APOBEC4: variants seen among roughly 807,000 people sequenced by gnomAD.
APOBEC4 encodes the protein apolipoprotein B mRNA editing enzyme catalytic polypeptide like 4.
For missense variants in APOBEC4, 375 were observed against 441.2 expected (o/e 0.85, Z 1.34); for synonymous variants, 141 against 154.2 (o/e 0.91, Z 0.63).
chr1:183,651,198 G>A (rs1265147837), intron 1 of APOBEC4, among the ~76,000 whole-genome samples: 1 of 152,018 alleles, frequency 6.6e-6, no homozygotes, highest in African/African-American at 2.4e-5. Flanking sequence ...GCATAATTAA[G>A]TATTCCCCAT....
At chr1:183,651,946 C>T (rs865827950) in intron 1 of APOBEC4, among the ~76,000 whole-genome samples, 1 of 152,196 alleles carries the variant, frequency 6.6e-6, no homozygotes, top group Non-Finnish European at 1.5e-5. Context: ...CCCAAACTTT[C>T]ATGCTTTTTA....
At chr1:183,652,579 T>C (rs1650843185) in intron 1 of APOBEC4, among the ~76,000 whole-genome samples, 1 of 150,864 alleles carries the variant, frequency 6.6e-6, no homozygotes, top group Non-Finnish European at 1.5e-5. Flanking sequence ...TGTTAACTTT[T>C]GGTATCTGTC....
At chr1:183,648,906 A>ATG in intron 1 of APOBEC4, 95 bp from the exon 2 acceptor site, 2 of 749,352 alleles carry the variant, frequency 2.7e-6, no homozygotes, top group Non-Finnish European at 4.3e-6. Context: ...TAAAGGAAGT[A>ATG]GCACAATAAA....
chr1:183,648,618 G>A lies in APOBEC4; in HGVS notation c.164C>T (p.Pro55Leu). Residue 55 changes from proline (P) to leucine (L), a missense_variant, in exon 2 of 2, where the codon CCT (proline) becomes CTT (leucine). Transcript: ENST00000308641. Reference sequence around the variant, plus strand: ...TGTTTGAGGAAATGTTGTCCCATAAGGGAATCCAAAAATCTGACAAAATTC... The same window carrying A: ...TGTTTGAGGAAATGTTGTCCCATAAAGGAATCCAAAAATCTGACAAAATTC... The part of the protein sequence containing the change: ...LTEFCQIFGF[P>L]YGTTFPQTKH... 1 of 1,614,174 alleles carries A rather than the reference G, an allele frequency of 6.2e-7. No individual in the cohort carries two copies.
At chr1:183,651,625 A>G (rs2102000314) in intron 1 of APOBEC4, among the ~76,000 whole-genome samples, 1 of 152,342 alleles carries the variant, frequency 6.6e-6, no homozygotes, top group South Asian at 2.1e-4. Context: ...CTGGCACCAC[A>G]TACCCACCAG....
rs1650461151 is a variant in APOBEC4 at position 183,648,291 on chromosome 1, A to C, written c.491T>G (p.Phe164Cys). ...TTCGCGGTTCCATGCTGAGGCAGGA[A>C]AGTCCATCTCAGTATGATAGAGCTG... ...FSQLYHTEMD[F>C]PASAWNREAL... The change falls in exon 2 of 2, where the codon TTT becomes TGT. Residue 164 changes from phenylalanine to cysteine, a missense_variant. By Grantham distance (205) the Phe-to-Cys change is radical (BLOSUM62 -2). Coordinates refer to ENST00000308641, the MANE Select transcript of APOBEC4 (RefSeq NM_203454.3). 5.6e-6 allele frequency: 9 copies of C among 1,614,212 alleles called. No individual in the cohort carries two copies. Among genetic ancestry groups the C allele is most frequent in the Non-Finnish European group, 7.6e-6 (9 of 1,180,038 alleles).
rs371872781 is a variant in APOBEC4, at chr1:183,647,960, C to T, written c.822G>A (p.Met274Ile). 309 of 1,614,184 alleles carry T rather than the reference C, an allele frequency of 1.9e-4. 2 individuals are homozygous for T. The Middle Eastern group carries it at 4.0e-3, about 21-fold the overall frequency. Reference protein sequence around the residue: ...NNAFPGQFFQMPSGQLQPNLP... With the variant: ...NNAFPGQFFQIPSGQLQPNLP... ...GGTTGGGTTGGAGTTGTCCACTCGG[C>T]ATTTGAAAAAACTGTCCAGGAAAGG... Residue 274 changes from methionine (M) to isoleucine (I), a missense_variant, in exon 2 of 2, where the codon ATG becomes ATA. Met to Ile is a conservative substitution (Grantham distance 10, BLOSUM62 1). Coordinates refer to ENST00000308641, the MANE Select transcript of APOBEC4 (RefSeq NM_203454.3).
At chr1:183,650,457 A>G (rs1478004652) in intron 1 of APOBEC4, among the ~76,000 whole-genome samples, 3 of 152,010 alleles carry the variant, frequency 2.0e-5, no homozygotes, top group East Asian at 3.9e-4. Flanking sequence ...GCAGGAGAAT[A>G]GCGTGAACCC....
chr1:183,647,990 G>T lies in APOBEC4; in HGVS notation c.792C>A (p.Asn264Lys), dbSNP rs781574644. 1.9e-6 allele frequency: 3 copies of T among 1,614,192 alleles called. No homozygotes were observed. The highest frequency in any genetic ancestry group is 2.2e-5 in the East Asian group (1 of 44,890). Residue 264 changes from asparagine to lysine, a missense_variant, in exon 2 of 2, where the codon AAC becomes AAA. Transcript: ENST00000308641. ...GAAAAAACTGTCCAGGAAAGGCATT[G>T]TTTAAGGGGTAGCTCTCTAAAGCCT... ...AQEALESYPL[N>K]NAFPGQFFQM...
Position 183,646,724 on chromosome 1 carries a change from A to G in APOBEC4, c.*954T>C, listed in dbSNP as rs1650318221. 6.6e-6 allele frequency: 1 copy of G among 152,258 alleles called. No individual in the cohort carries two copies. The highest frequency in any genetic ancestry group is 2.4e-5 in the African/African-American group (1 of 41,468). The allele number at this position is 152,258 out of a possible 1,614,324, so 9.4% of individuals were successfully genotyped here. On this transcript the variant is annotated 3_prime_UTR_variant, in exon 2 of 2. Coordinates refer to ENST00000308641, the MANE Select transcript of APOBEC4 (RefSeq NM_203454.3). ...GAAAGGGGAATGGATGCTAACAAAA[A>G]GAAAAAACATCTCTTGCAGGATGGT...
rs1650368590 is a variant in APOBEC4 at position 183,647,407 on chromosome 1, C to G, written c.*271G>C. On this transcript the variant is annotated 3_prime_UTR_variant, in exon 2 of 2. Coordinates refer to ENST00000308641, the MANE Select transcript of APOBEC4 (RefSeq NM_203454.3). The stretch of plus-strand genomic sequence containing the variant: ...GAATAATGAGATTCCTTTTCTGCAT[C>G]AAAATATTAGCAAGCTGCTAATGGT... The G allele has an allele frequency of 3.5e-6, 1 of 285,076 alleles. No homozygotes were observed. The highest frequency in any genetic ancestry group is 2.2e-5 in the African/African-American group (1 of 45,776). The allele number at this position is 285,076 out of a possible 1,614,324, so 17.7% of individuals were successfully genotyped here. A position where few individuals can be genotyped will look rare whatever the true frequency, so the allele number is the denominator to read the frequency against.
In APOBEC4 at chr1:183,648,648, A is replaced by T; in HGVS notation, c.134T>A (p.Leu45His). The change falls in exon 2 of 2, where the codon CTC becomes CAC. Residue 45 changes from leucine (L) to histidine (H), a missense_variant. By Grantham distance (99) the Leu-to-His change is moderately conservative. Coordinates refer to ENST00000308641, the MANE Select transcript of APOBEC4 (RefSeq NM_203454.3). Reference sequence around the variant, plus strand: ...TCCAAAAATCTGACAAAATTCTGTGAGGGAAACTCTTGCTTCTTCACCTGT... The same window carrying T: ...TCCAAAAATCTGACAAAATTCTGTGTGGGAAACTCTTGCTTCTTCACCTGT... The part of the protein sequence containing the change: ...IRTGEEARVS[L>H]TEFCQIFGFP... 6.2e-7 allele frequency: 1 copy of T among 1,614,180 alleles called. No homozygotes were observed. The highest frequency in any genetic ancestry group is 8.5e-7 in the Non-Finnish European group (1 of 1,179,996).
In APOBEC4 at chr1:183,648,675, C is replaced by A. The variant is rs753388975; in HGVS notation, c.107G>T (p.Arg36Leu). ...LDCSNCPYHI[R>L]TGEEARVSLT... ...GGAAACTCTTGCTTCTTCACCTGTT[C>A]GAATATGGTAAGGACAATTAGAGCA... Residue 36 changes from arginine to leucine, a missense_variant, in exon 2 of 2, where the codon CGA (arginine) becomes CTA (leucine). By Grantham distance (102) the Arg-to-Leu change is moderately radical. Coordinates refer to ENST00000308641, the MANE Select transcript of APOBEC4 (RefSeq NM_203454.3). 44 of 1,613,996 alleles carry A rather than the reference C, an allele frequency of 2.7e-5. 1 individual carries two copies. In the South Asian group the frequency reaches 4.4e-4, roughly 16 times the overall value.
chr1:183,652,471 T>C (rs1650830632), intron 1 of APOBEC4, among the ~76,000 whole-genome samples: 1 of 152,230 alleles, frequency 6.6e-6, no homozygotes, highest in African/African-American at 2.4e-5. Flanking sequence ...TTGATCACCC[T>C]CATCTGAAGA....
Position 183,648,706 on chromosome 1 carries a change from G to A in APOBEC4, c.76C>T (p.Leu26Phe). ...VKPYYWLSFS[L>F]DCSNCPYHIR... is the part of the protein sequence containing the mutation. ...TGGTAAGGACAATTAGAGCAATCGAGAGAGAAGCTTAGCCAGTAATATGGT... is the reference window on the plus strand; with the variant it reads ...TGGTAAGGACAATTAGAGCAATCGAAAGAGAAGCTTAGCCAGTAATATGGT... The change falls in exon 2 of 2, where the codon CTC becomes TTC. Residue 26 changes from leucine to phenylalanine, a missense_variant. Coordinates refer to ENST00000308641, the MANE Select transcript of APOBEC4 (RefSeq NM_203454.3). The A allele has an allele frequency of 6.2e-7, 1 of 1,614,130 alleles. No individual in the cohort carries two copies. The highest frequency in any genetic ancestry group is 8.5e-7 in the Non-Finnish European group (1 of 1,180,016).
rs766239411 is a variant in APOBEC4 at position 183,647,920 on chromosome 1, T to C, written c.862A>G (p.Arg288Gly). ...ACTAGCACAAAAACAACAGGAGCCCTGAGGTCTGGAGGTAGGTTGGGTTGG... is the reference window on the plus strand; with the variant it reads ...ACTAGCACAAAAACAACAGGAGCCCCGAGGTCTGGAGGTAGGTTGGGTTGG... ...QLQPNLPPDL[R>G]APVVFVLVPL... The change falls in exon 2 of 2, where the codon AGG becomes GGG. Residue 288 changes from arginine to glycine, a missense_variant. Coordinates refer to ENST00000308641, the MANE Select transcript of APOBEC4 (RefSeq NM_203454.3). The C allele has an allele frequency of 3.1e-6, 5 of 1,614,190 alleles. No individual in the cohort carries two copies. In the Admixed American group the frequency reaches 8.3e-5, roughly 27 times the overall value.
intron 1 of APOBEC4, among the ~76,000 whole-genome samples, chr1:183,650,888 A>G (rs930568020): frequency 7.2e-5 from 11 of 152,106 alleles, no homozygotes; most frequent in African/African-American, 2.7e-4. Context: ...TATTATTTCT[A>G]GTGAAGTTGA....
intron 1 of APOBEC4, among the ~76,000 whole-genome samples, chr1:183,649,037 C>T (rs1349796307): frequency 6.6e-6 from 1 of 152,156 alleles, no homozygotes; most frequent in Non-Finnish European, 1.5e-5. Flanking sequence ...TTCATAGATT[C>T]CAAGTCAGTA....
At chr1:183,650,784 G>T (rs1169131992) in intron 1 of APOBEC4, among the ~76,000 whole-genome samples, 1 of 150,554 alleles carries the variant, frequency 6.6e-6, no homozygotes, top group African/African-American at 2.4e-5. Context: ...TTCCTAGGAA[G>T]GTGTACCAAT....
Sources: gnomAD v4.1 joint callset for allele counts (sites outside exome capture counted in the v4.1 genomes callset) on GRCh38, gnomAD v4.1.1 for gene constraint, MANE v1.5 for transcripts, NCBI Gene and HGNC (gene_info 2026-07-23, HGNC 2026-07-21) for gene names.